Variants in TTN observed in about 807,000 individuals in gnomAD.
TTN encodes connectin.
TTN carries 1,525 observed loss-of-function variants against 3,223.0 expected under a neutral mutation model. That is an observed-to-expected ratio of 0.47 (90% CI 0.45 to 0.49). The LOEUF (loss-of-function observed/expected upper bound fraction) is 0.49, where lower values mean the gene tolerates loss of function less well. Among genes scored for constraint, TTN ranks in the 20% least tolerant of loss-of-function variants. The pLI, the probability that TTN is intolerant of heterozygous loss-of-function variation, is 0.00. For synonymous variants in TTN, 14,094 were observed against 15,161.0 expected, an observed-to-expected ratio of 0.93 and a Z score of 5.17; for missense variants, 40,786 against 43,424.0, an observed-to-expected ratio of 0.94 and a Z score of 5.40.
Position 178,580,545 on chromosome 2 carries a change from A to G in TTN, c.66834T>C (p.Thr22278=), listed in dbSNP as rs747287135. The part of the protein sequence containing the change: ...RKTLILRAGV[T]MRLYVPVKGR... ...CTTTTACTGGTACATATAGTCTCAT[A>G]GTAACTCCAGCACGTAATATGAGTG... Residue 22278 remains threonine, a synonymous_variant, in exon 317 of 363, where the codon ACT becomes ACC. Coordinates refer to ENST00000589042, the MANE Select transcript of TTN (RefSeq NM_001267550.2). 1 of 1,612,808 alleles carries G rather than the reference A, an allele frequency of 6.2e-7. No individual in the cohort carries two copies. Among genetic ancestry groups the G allele is most frequent in the South Asian group, 1.1e-5 (1 of 91,038 alleles).
chr2:178,560,806 G>A lies in TTN; in HGVS notation c.85326C>T (p.Ala28442=), dbSNP rs765915556. ...LKNVAGTRSV[A]VNCKVLDKPG... The stretch of plus-strand genomic sequence containing the variant: ...GCTTATCAAGTACTTTGCAATTAAC[G>A]GCCACAGACCGAGTGCCGGCAACAT... The change falls in exon 326 of 363, where the codon GCC becomes GCT. Residue 28442 remains alanine (A), a synonymous_variant. Coordinates refer to ENST00000589042, the MANE Select transcript of TTN (RefSeq NM_001267550.2). 59 of 1,613,504 alleles carry A rather than the reference G, an allele frequency of 3.7e-5. No individual in the cohort carries two copies. Among genetic ancestry groups the A allele is most frequent in the East Asian group, 2.0e-4 (9 of 44,784 alleles).
At position 178,543,129 on chromosome 2, in the gene TTN, C is replaced by T. The variant is rs1446694825; in HGVS notation, c.96844G>A (p.Glu32282Lys). Reference sequence around the variant, plus strand: ...TCTCTTGGTTCTGACACACCTTTCTCATTTTGTGCCCTTATTCTAAATAAG... The same window carrying T: ...TCTCTTGGTTCTGACACACCTTTCTTATTTTGTGCCCTTATTCTAAATAAG... The part of the protein sequence containing the change: ...QYLFRIRAQN[E>K]KGVSEPRETV... The change falls in exon 347 of 363, where the codon GAG (glutamate) becomes AAG (lysine). Residue 32282 changes from glutamate to lysine, a missense_variant. Physicochemically the swap from Glu to Lys is moderately conservative, Grantham distance 56. Transcript: ENST00000589042. The T allele has an allele frequency of 1.2e-6, 2 of 1,610,726 alleles. No homozygotes were observed. Among genetic ancestry groups the T allele is most frequent in the Admixed American group, 1.7e-5 (1 of 59,866 alleles).
At chr2:178,785,537 G>A (rs2154351481) in intron 15 of TTN, 83 bp downstream of exon 15, 1 of 1,592,810 alleles carries the variant, frequency 6.3e-7, no homozygotes, top group East Asian at 2.2e-5. Context: ...TCCTCCATTG[G>A]CCTACCCCAG....
chr2:178,727,447 A>T, intron 68 of TTN, 76 bp from the exon 69 acceptor site: 2 of 1,506,926 alleles, frequency 1.3e-6, no homozygotes, highest in Non-Finnish European at 1.8e-6. Context: ...GTATACAGGC[A>T]AGAGAAAAAC....
Position 178,637,433 on chromosome 2 carries a change from A to G in TTN, c.40877-14T>C, listed in dbSNP as rs397517561. On this transcript the variant is annotated splice_polypyrimidine_tract_variant and intron_variant, in intron 223 of 362. Transcript: ENST00000589042. The stretch of plus-strand genomic sequence containing the variant: ...GTGCTTTGGCTTCTGAAATAAAAAT[A>G]AAACTCAGCATTTAAACACTTTTCG... 8.2e-6 allele frequency: 12 copies of G among 1,468,378 alleles called. No homozygotes were observed. The highest frequency in any genetic ancestry group is 1.1e-5 in the Non-Finnish European group (12 of 1,110,298). 91.0% of individuals were successfully genotyped at this position (1,468,378 alleles called of 1,614,324 possible). A position where few individuals can be genotyped will look rare whatever the true frequency, so the allele number is the denominator to read the frequency against.
In TTN at chr2:178,575,954, T is replaced by G. The variant is rs1709929760; in HGVS notation, c.70178A>C (p.Asn23393Thr). The change falls in exon 326 of 363, where the codon AAT becomes ACT. Residue 23393 changes from asparagine to threonine, a missense_variant. By Grantham distance (65) the Asn-to-Thr change is moderately conservative (BLOSUM62 0). Coordinates refer to ENST00000589042, the MANE Select transcript of TTN (RefSeq NM_001267550.2). The surrounding 1 kb of genome is among the most constrained non-coding windows in gnomAD (Gnocchi z 4.0). Reference sequence around the variant, plus strand: ...AATCAGAAGAGTAAATGATTCCGTATTTTCAATGTTGGCTCGGTTTTTCAG... The same window carrying G: ...AATCAGAAGAGTAAATGATTCCGTAGTTTCAATGTTGGCTCGGTTTTTCAG... ...INLKNRANIE[N>T]TESFTLLIIP... 2 of 1,611,634 alleles carry G rather than the reference T, an allele frequency of 1.2e-6. No individual in the cohort carries two copies. The highest frequency in any genetic ancestry group is 2.2e-5 in the South Asian group (2 of 91,030).
In TTN at chr2:178,696,255, C is replaced by T; in HGVS notation, c.30817G>A (p.Asp10273Asn). 6.5e-7 allele frequency: 1 copy of T among 1,543,532 alleles called. No individual in the cohort carries two copies. The highest frequency in any genetic ancestry group is 1.3e-5 in the South Asian group (1 of 79,924). ...LIPAKAPEII[D>N]VSSKAEEVKI... ...ACTTCTTCAGCTTTAGAGGATACAT[C>T]AATGATTTCAGGAGCTAAAATAGAT... The change falls in exon 114 of 363, where the codon GAT becomes AAT. Residue 10273 changes from aspartate (D) to asparagine (N), a missense_variant. By Grantham distance (23) the Asp-to-Asn change is conservative. Coordinates refer to ENST00000589042, the MANE Select transcript of TTN (RefSeq NM_001267550.2).
rs766469688 is a variant in TTN, at chr2:178,558,656, A to T, written c.86822-19T>A. The T allele has an allele frequency of 1.9e-6, 3 of 1,604,296 alleles. No individual in the cohort carries two copies. In the Admixed American group the frequency reaches 5.1e-5, roughly 27 times the overall value. On this transcript the variant is annotated intron_variant, in intron 326 of 362. Coordinates refer to ENST00000589042, the MANE Select transcript of TTN (RefSeq NM_001267550.2). The stretch of plus-strand genomic sequence containing the variant: ...GGTTTTTCTAAGAAAACAAAGCATC[A>T]AAAGAAAGTGAATAATTATTACAGC...
chr2:178,676,913 A>T (rs1160933809), intron 147 of TTN, among the ~76,000 whole-genome samples: 1 of 151,684 alleles, frequency 6.6e-6, no homozygotes, highest in Non-Finnish European at 1.5e-5. Context: ...ACTTATTCAT[A>T]TATATTTAAA....
Position 178,551,666 on chromosome 2 carries a change from C to T in TTN, c.91234G>A (p.Asp30412Asn). The stretch of plus-strand genomic sequence containing the variant: ...ACAGCTAAGGTAAATTTGCTTGGGT[C>T]ACTAGGTGAGCTTAGGCCAGCAGAA... ...ENSAGLSSPS[D>N]PSKFTLAVSP... The change falls in exon 335 of 363, where the codon GAC (aspartate) becomes AAC (asparagine). Residue 30412 changes from aspartate to asparagine, a missense_variant. Physicochemically the swap from Asp to Asn is conservative, Grantham distance 23 (BLOSUM62 1). Coordinates refer to ENST00000589042, the MANE Select transcript of TTN (RefSeq NM_001267550.2). 1.2e-6 allele frequency: 2 copies of T among 1,603,212 alleles called. No individual in the cohort carries two copies. Among genetic ancestry groups the T allele is most frequent in the Non-Finnish European group, 1.7e-6 (2 of 1,173,252 alleles).
rs751053468 is a variant in TTN, at chr2:178,653,233, A to C, written c.38791+5T>G. ...CATCTGAAGCCTAAGGTCAGTGACA[A>C]ATACCTTTAACAGGTGGGACTTCAG... is the stretch of plus-strand genomic sequence containing the variant. On this transcript the variant is annotated splice_donor_5th_base_variant and intron_variant, in intron 198 of 362. Coordinates refer to ENST00000589042, the MANE Select transcript of TTN (RefSeq NM_001267550.2). 6.2e-7 allele frequency: 1 copy of C among 1,611,684 alleles called. No individual in the cohort carries two copies. Among genetic ancestry groups the C allele is most frequent in the South Asian group, 1.1e-5 (1 of 90,888 alleles).
In TTN at chr2:178,559,739, C is replaced by T. The variant is rs781458689; in HGVS notation, c.86393G>A (p.Arg28798Lys). The change falls in exon 326 of 363, where the codon AGA becomes AAA. Residue 28798 changes from arginine to lysine, a missense_variant. Transcript: ENST00000589042. ...WSKPDTDLRT[R>K]AYVDTTDSRT... is the part of the protein sequence containing the mutation. ...AGAGTCTGTGGTATCAACATAAGCT[C>T]TAGTACGGAGGTCAGTGTCTGGCTT... 6 of 1,599,474 alleles carry T rather than the reference C, an allele frequency of 3.8e-6. No homozygotes were observed. The highest frequency in any genetic ancestry group is 2.7e-5 in the African/African-American group (2 of 74,762).
Position 178,593,660 on chromosome 2 carries a change from C to T in TTN, c.58640G>A (p.Gly19547Glu), listed in dbSNP as rs374713701. The T allele has an allele frequency of 1.4e-5, 23 of 1,613,182 alleles. No individual in the cohort carries two copies. The highest frequency in any genetic ancestry group is 1.9e-5 in the Non-Finnish European group (23 of 1,179,562). The change falls in exon 298 of 363, where the codon GGA becomes GAA. Residue 19547 changes from glycine to glutamate, a missense_variant. By Grantham distance (98) the Gly-to-Glu change is moderately conservative. Coordinates refer to ENST00000589042, the MANE Select transcript of TTN (RefSeq NM_001267550.2). ...TTCKVSKLLE[G>E]KDYIFRIHAE... ...ATGTATCCGGAAAATATAATCTTTT[C>T]CTTCAAGTAGTTTAGAAACTTTGCA...
rs770591157 is a variant in TTN, at chr2:178,740,163, A to G, written c.13070T>C (p.Ile4357Thr). The G allele has an allele frequency of 8.1e-6, 13 of 1,613,544 alleles. No individual in the cohort carries two copies. Among genetic ancestry groups the G allele is most frequent in the Admixed American group, 1.7e-5 (1 of 59,954 alleles). The stretch of plus-strand genomic sequence containing the variant: ...TGCCACGGGCTCTCTTTTAGACTCA[A>G]TGATTTGGTCTGGGGGCATCACCAC... ...DNVVMPPDQI[I>T]ESKREPVAIK... The change falls in exon 48 of 363, where the codon ATT (isoleucine) becomes ACT (threonine). Residue 4357 changes from isoleucine to threonine, a missense_variant. Coordinates refer to ENST00000589042, the MANE Select transcript of TTN (RefSeq NM_001267550.2).
chr2:178,570,088 G>A lies in TTN; in HGVS notation c.76044C>T (p.Gly25348=), dbSNP rs1707591921. The A allele has an allele frequency of 6.2e-7, 1 of 1,613,374 alleles. No individual in the cohort carries two copies. Among genetic ancestry groups the A allele is most frequent in the East Asian group, 2.2e-5 (1 of 44,788 alleles). The stretch of plus-strand genomic sequence containing the variant: ...GCTTATGGCATCTTGTCCATCTAAT[G>A]CCTTCTTTATCCCGTTTCTCAAGAA... ...GYVLEKRDKE[G]IRWTRCHKRL... Residue 25348 remains glycine (G), a synonymous_variant, in exon 326 of 363, where the codon GGC becomes GGT. Coordinates refer to ENST00000589042, the MANE Select transcript of TTN (RefSeq NM_001267550.2).
intron 250 of TTN, chr2:178,619,188 A>G (rs2057876433): frequency 1.3e-5 from 5 of 371,140 alleles, no homozygotes; most frequent in Non-Finnish European, 2.4e-5. Flanking sequence ...AGTTCAATAA[A>G]TCAGAGAAAC....
At chr2:178,556,190 G>T (rs1701361554) in intron 330 of TTN, 1 of 152,794 alleles carries the variant, frequency 6.5e-6, no homozygotes, top group Non-Finnish European at 1.5e-5. Flanking sequence ...AACACTTTGG[G>T]AGGCCGAGGT....
chr2:178,674,257 G>T, intron 151 of TTN, 57 bp downstream of exon 151: 1 of 1,019,342 alleles, frequency 9.8e-7, no homozygotes, highest in Non-Finnish European at 1.5e-6. Flanking sequence ...TTTAGCTACT[G>T]AGAAAGATTT....
intron 41 of TTN, among the ~76,000 whole-genome samples, chr2:178,765,202 C>G (rs1422347195): frequency 6.6e-6 from 1 of 152,084 alleles, no homozygotes; most frequent in African/African-American, 2.4e-5. Context: ...TGAAGAGGCT[C>G]ATATCATTCC....
Sources: allele counts gnomAD v4.1 joint callset (sites outside exome capture counted in the v4.1 genomes callset), GRCh38; gene constraint gnomAD v4.1.1; non-coding constraint Gnocchi (gnomAD v3.1); transcripts MANE v1.5; gene names NCBI Gene and HGNC (gene_info 2026-07-23, HGNC 2026-07-21).